The following AAK1 variants were observed in gnomAD, a reference collection of about 807,000 sequenced individuals.
The protein encoded by AAK1 is AP2-associated protein kinase 1.
In AAK1, 37 loss-of-function variants were observed where a neutral mutation model predicts 116.0. The observed-to-expected ratio is 0.32, with a 90% CI of 0.25 to 0.42. The LOEUF (loss-of-function observed/expected upper bound fraction) is 0.42. AAK1 is among the 10% of genes least tolerant of loss of function. The pLI, the probability that AAK1 is intolerant of heterozygous loss-of-function variation, is 1.00. For missense variants in AAK1, 919 were observed against 1,170.6 expected, an observed-to-expected ratio of 0.79 and a Z score of 3.14; for synonymous variants, 458 against 439.9, an observed-to-expected ratio of 1.04 and a Z score of -0.51.
At position 69,643,624 on chromosome 2, in the gene AAK1, C is replaced by A; in HGVS notation, c.-284G>T. The A allele has an allele frequency of 8.1e-7, 1 of 1,228,688 alleles. No homozygotes were observed. Among genetic ancestry groups the A allele is most frequent in the South Asian group, 4.2e-5 (1 of 24,044 alleles). The allele number at this position is 1,228,688 out of a possible 1,614,324, so 76.1% of individuals were successfully genotyped here. ...CCTGCTACCAGCCCCGCGACATTGTCACGGCCGCCGGGCCGGCCTGCGACG... is the reference window on the plus strand; with the variant it reads ...CCTGCTACCAGCCCCGCGACATTGTAACGGCCGCCGGGCCGGCCTGCGACG... On this transcript the variant is annotated 5_prime_UTR_variant, in exon 1 of 22. Transcript: ENST00000409085.
intron 2 of AAK1, among the ~76,000 whole-genome samples, chr2:69,635,453 C>T (rs1462003956): frequency 6.6e-6 from 1 of 152,118 alleles, no homozygotes; most frequent in Non-Finnish European, 1.5e-5. Context: ...AGTATATACC[C>T]AAAAGAACGC....
intron 2 of AAK1, among the ~76,000 whole-genome samples, chr2:69,613,190 A>G (rs751791421): frequency 6.6e-6 from 1 of 152,216 alleles, no homozygotes; most frequent in Non-Finnish European, 1.5e-5. Context: ...CATGGGGCCA[A>G]TGATCAAGAC....
At chr2:69,623,426 A>T (rs1674754596) in intron 2 of AAK1, among the ~76,000 whole-genome samples, 2 of 152,170 alleles carry the variant, frequency 1.3e-5, no homozygotes, top group African/African-American at 4.8e-5. Context: ...TCATGTCAAC[A>T]GCCTCGTAGA....
intron 2 of AAK1, among the ~76,000 whole-genome samples, chr2:69,630,750 A>C (rs1356846166): frequency 6.6e-6 from 1 of 152,218 alleles, no homozygotes; most frequent in Non-Finnish European, 1.5e-5. Context: ...CCTAAGGAGA[A>C]CATCATAGCA....
chr2:69,608,051 A>G (rs527515987), intron 2 of AAK1, among the ~76,000 whole-genome samples: 20 of 152,230 alleles, frequency 1.3e-4, no homozygotes, highest in Non-Finnish European at 2.9e-4. Flanking sequence ...AACTTTGAGG[A>G]ATATCTGCTA....
In AAK1 at chr2:69,558,993, T is replaced by C. The variant is rs574493739; in HGVS notation, c.164-2015A>G. 5.9e-5 allele frequency among the ~76,000 whole-genome samples: 9 copies of C among 151,394 alleles called. No homozygotes were observed. In the South Asian group the frequency reaches 1.7e-3, roughly 28 times the overall value. Reference sequence around the variant, plus strand: ...AAAGAGCCTTTATCATAAAGCACTATTGCACGTTTTCATAAAATACACACC... The same window carrying C: ...AAAGAGCCTTTATCATAAAGCACTACTGCACGTTTTCATAAAATACACACC... On this transcript the variant is annotated intron_variant, in intron 2 of 21. Coordinates refer to ENST00000409085, the MANE Select transcript of AAK1 (RefSeq NM_014911.5).
At chr2:69,599,065 T>C (rs189277385) in intron 2 of AAK1, 1 of 206,680 alleles carries the variant, frequency 4.8e-6, no homozygotes, top group African/African-American at 2.4e-5. Flanking sequence ...GAACTGAAGC[T>C]CATGAAGAAC....
Position 69,507,418 on chromosome 2 carries a change from CA to C in AAK1, c.2164+2del. 6.2e-7 allele frequency: 1 copy of C among 1,611,418 alleles called. No homozygotes were observed. Among genetic ancestry groups the C allele is most frequent in the Non-Finnish European group, 8.5e-7 (1 of 1,178,726 alleles). Reference sequence around the variant, plus strand: ...AGCACAAAAAAAGACACAGCTTACTCACCTTCCCCAAGCTTGGCAAAGTCCT... The same window carrying C: ...AGCACAAAAAAAGACACAGCTTACTCCCTTCCCCAAGCTTGGCAAAGTCCT... On this transcript the variant is annotated splice_donor_variant, in intron 15 of 21. Coordinates refer to ENST00000409085, the MANE Select transcript of AAK1 (RefSeq NM_014911.5). LOFTEE classifies it high-confidence loss of function.
chr2:69,500,903 C>G (rs1265830813), intron 16 of AAK1, among the ~76,000 whole-genome samples: 1 of 151,764 alleles, frequency 6.6e-6, no homozygotes, highest in Non-Finnish European at 1.5e-5. Flanking sequence ...GGAAAATGAT[C>G]AGGGACCTCG....
rs566250057 is a variant in AAK1, at chr2:69,587,159, G to A, written c.164-30181C>T. 8.5e-4 allele frequency among the ~76,000 whole-genome samples: 127 copies of A among 149,698 alleles called. No homozygotes were observed. The Middle Eastern group carries it at 0.018, about 21-fold the overall frequency. On this transcript the variant is annotated intron_variant, in intron 2 of 21. Coordinates refer to ENST00000409085, the MANE Select transcript of AAK1 (RefSeq NM_014911.5). ...GAGTACGATGGCATGCTGACAGCTC[G>A]CTGCAGCCTCGACCTCCTGGGCTCA...
Position 69,475,667 on chromosome 2 carries a change from A to G in AAK1, c.*202T>C. On this transcript the variant is annotated 3_prime_UTR_variant, in exon 22 of 22. Coordinates refer to ENST00000409085, the MANE Select transcript of AAK1 (RefSeq NM_014911.5). ...AAACACAGCAAACTAACAAGGAGGAACTGGCCAAGGAATATCTGGAGGGCC... is the reference window on the plus strand; with the variant it reads ...AAACACAGCAAACTAACAAGGAGGAGCTGGCCAAGGAATATCTGGAGGGCC... 7.3e-7 allele frequency: 1 copy of G among 1,363,020 alleles called. No individual in the cohort carries two copies. Among genetic ancestry groups the G allele is most frequent in the Non-Finnish European group, 9.5e-7 (1 of 1,057,634 alleles). 84.4% of individuals were successfully genotyped at this position (1,363,020 alleles called of 1,614,324 possible). A position where few individuals can be genotyped will look rare whatever the true frequency, so the allele number is the denominator to read the frequency against.
At chr2:69,551,239 T>TG in intron 3 of AAK1, among the ~76,000 whole-genome samples, 1 of 151,828 alleles carries the variant, frequency 6.6e-6, no homozygotes, top group South Asian at 2.1e-4. Context: ...CTGGGGCCGG[T>TG]GGGGGTGGTG....
At chr2:69,584,187 T>C (rs994982539) in intron 2 of AAK1, among the ~76,000 whole-genome samples, 8 of 152,136 alleles carry the variant, frequency 5.3e-5, no homozygotes, top group Non-Finnish European at 1.0e-4. Context: ...CCTACCCCCT[T>C]TAACAATCTA....
chr2:69,476,844 G>T, intron 21 of AAK1, 36 bp downstream of exon 21: 1 of 1,494,288 alleles, frequency 6.7e-7, no homozygotes, highest in Non-Finnish European at 9.3e-7. Context: ...GAGAACTGAG[G>T]CCAAGCTCTT....
intron 5 of AAK1, among the ~76,000 whole-genome samples, chr2:69,537,592 A>G (rs1198619031): frequency 6.6e-6 from 1 of 152,240 alleles, no homozygotes; most frequent in African/African-American, 2.4e-5. Context: ...TCTGGAAAAC[A>G]GGAAAATAGA....
At chr2:69,533,853 G>A (rs539210398) in intron 5 of AAK1, among the ~76,000 whole-genome samples, 1 of 152,292 alleles carries the variant, frequency 6.6e-6, no homozygotes, top group East Asian at 1.9e-4. Context: ...TAAGCATAGG[G>A]TTATGAAAGA....
intron 2 of AAK1, among the ~76,000 whole-genome samples, chr2:69,607,153 A>G (rs1358913397): frequency 1.3e-5 from 2 of 152,230 alleles, no homozygotes; most frequent in Admixed American, 1.3e-4. Flanking sequence ...AAGAGGGTGA[A>G]GAATTTCAAA....
chr2:69,573,915 C>T (rs1572970050), intron 2 of AAK1, among the ~76,000 whole-genome samples: 1 of 151,786 alleles, frequency 6.6e-6, no homozygotes, highest in East Asian at 1.9e-4. Context: ...AGGAGAATCG[C>T]CTGAACTTGG....
rs1674445186 is a variant in AAK1 at position 69,465,063 on chromosome 2, G to C, written c.*10806C>G. The stretch of plus-strand genomic sequence containing the variant: ...CAGGAATTAAAACTAGCAACAATAG[G>C]GCCCCTTTGGGATTGGGGTGAAGAA... On this transcript the variant is annotated 3_prime_UTR_variant, in exon 22 of 22. Transcript: ENST00000409085. 1 of 181,914 alleles carries C rather than the reference G, an allele frequency of 5.5e-6. No homozygotes were observed. 11.3% of individuals were successfully genotyped at this position (181,914 alleles called of 1,614,324 possible).
Sources: allele counts gnomAD v4.1 joint callset (sites outside exome capture counted in the v4.1 genomes callset), GRCh38; gene constraint gnomAD v4.1.1; transcripts MANE v1.5; gene names NCBI Gene and HGNC (gene_info 2026-07-23, HGNC 2026-07-21).